IQCK: variants seen among roughly 807,000 people sequenced by gnomAD.
The protein encoded by IQCK is IQ motif containing K, also known as IQ domain-containing protein K.
A neutral mutation model predicts 28.1 loss-of-function variants in IQCK; 29 were observed. The ratio of observed to expected loss-of-function variants is 1.03; its 90% CI spans 0.77 to 1.41. The LOEUF (loss-of-function observed/expected upper bound fraction) is 1.41. Among genes scored for constraint, IQCK ranks in the 40% most tolerant of loss-of-function variants. The pLI is 0.00. For synonymous variants in IQCK, 113 were observed against 115.1 expected (o/e 0.98, Z 0.12); for missense variants, 359 against 314.7 (o/e 1.14, Z -1.07).
chr16:19,736,241 T>G (rs1465911049), intron 4 of IQCK: 1 of 443,498 alleles, frequency 2.3e-6, no homozygotes, highest in Non-Finnish European at 4.5e-6. Flanking sequence ...AGAATCAGCT[T>G]CTCTGCAGGG....
At chr16:19,805,663 T>G (rs1350995913) in intron 7 of IQCK, among the ~76,000 whole-genome samples, 1 of 152,174 alleles carries the variant, frequency 6.6e-6, no homozygotes, top group Non-Finnish European at 1.5e-5. Flanking sequence ...CAGCTCACAA[T>G]ATACATTTAC....
In IQCK at chr16:19,776,207, G is replaced by A. The variant is rs141736479; in HGVS notation, c.605+12095G>A. Reference sequence around the variant, plus strand: ...ACAGGCATATTTCTAAGAAAGAACTGAGGCAGAGAGAAATTAAGTCTTTGC... The same window carrying A: ...ACAGGCATATTTCTAAGAAAGAACTAAGGCAGAGAGAAATTAAGTCTTTGC... On this transcript the variant is annotated intron_variant, in intron 6 of 7. Transcript: ENST00000564186. 4.7e-3 allele frequency among the ~76,000 whole-genome samples: 715 copies of A among 152,202 alleles called. 5 individuals are homozygous for A. The highest frequency in any genetic ancestry group is 0.017 in the African/African-American group (698 of 41,528).
chr16:19,845,430 G>A (rs533151760), intron 9 of IQCK, among the ~76,000 whole-genome samples: 20 of 152,236 alleles, frequency 1.3e-4, no homozygotes, highest in Admixed American at 7.9e-4. Flanking sequence ...TGAGAATGCA[G>A]TGATAAATAA....
At chr16:19,810,668 C>T (rs1294204975) in intron 7 of IQCK, among the ~76,000 whole-genome samples, 1 of 149,768 alleles carries the variant, frequency 6.7e-6, no homozygotes, top group Non-Finnish European at 1.5e-5. Context: ...AAGCTAGGCA[C>T]AGTGGTGGGC....
intron 9 of IQCK, among the ~76,000 whole-genome samples, chr16:19,843,416 CTT>C (rs1294185267): frequency 6.6e-6 from 1 of 152,216 alleles, no homozygotes; most frequent in African/African-American, 2.4e-5. Context: ...TACTCTGTCT[CTT>C]TATGGATTTG....
chr16:19,765,221 CAAA>C (rs756571642), intron 6 of IQCK, among the ~76,000 whole-genome samples: 5 of 62,950 alleles, frequency 7.9e-5, no homozygotes, highest in African/African-American at 1.1e-4. Context: ...GACTCCATCT[CAAA>C]AAAAAAAAAA....
Position 19,775,866 on chromosome 16 carries a change from C to CTTTTTTTTTTT in IQCK, c.605+11777_605+11787dup, listed in dbSNP as rs570530152. On this transcript the variant is annotated intron_variant, in intron 6 of 7. Transcript: ENST00000564186. ...CTAGCTGTTCTGTTCTGGGCACAGG[C>CTTTTTTTTTTT]TTTTTTTTTTTTTTTTTTTTTTTTT... Among the ~76,000 whole-genome samples, 7 of 37,724 alleles carry CTTTTTTTTTTT rather than the reference C, an allele frequency of 1.9e-4. 1 individual carries two copies. Among genetic ancestry groups the CTTTTTTTTTTT allele is most frequent in the Non-Finnish European group, 2.7e-4 (6 of 22,634 alleles). The allele number at this position is 37,724 out of a possible 152,430, so 24.7% of individuals were successfully genotyped here.
exon 10 of IQCK, chr16:19,856,903 C>T (rs1039682645): frequency 4.0e-5 from 8 of 200,802 alleles, no homozygotes; most frequent in African/African-American, 1.2e-4. Flanking sequence ...CACTTGTGGC[C>T]GCCTTTGCAA....
intron 4 of IQCK, chr16:19,736,079 A>G (rs60295245): frequency 0.024 from 11,105 of 454,404 alleles, 878 homozygotes; most frequent in African/African-American, 0.19. Context: ...AAAAAATCCC[A>G]CAGAACTCTG....
At position 19,833,652 on chromosome 16, in the gene IQCK, C is replaced by T. The variant is rs2056260240; in HGVS notation, c.802+6515C>T. ...CCTTCTAGAGGGAAAACATGAAAGC[C>T]CAGAGTAGAGGGTGGAGACCAGAGA... On this transcript the variant is annotated intron_variant, in intron 9 of 9. Transcript: ENST00000320394. Among the ~76,000 whole-genome samples, 4 of 152,058 alleles carry T rather than the reference C, an allele frequency of 2.6e-5. No individual in the cohort carries two copies. The South Asian group carries it at 8.3e-4, about 32-fold the overall frequency.
At chr16:19,851,510 G>C (rs2056481461) in intron 9 of IQCK, among the ~76,000 whole-genome samples, 1 of 152,090 alleles carries the variant, frequency 6.6e-6, no homozygotes, top group Non-Finnish European at 1.5e-5. Flanking sequence ...GTTTTTCTCT[G>C]GGCTGTGAAT....
intron 4 of IQCK, among the ~76,000 whole-genome samples, chr16:19,758,077 C>T (rs1043608579): frequency 7.2e-5 from 11 of 152,302 alleles, no homozygotes; most frequent in African/African-American, 2.4e-4. Context: ...CAAACATAAG[C>T]ATTTTCACCC....
At chr16:19,748,637 C>T (rs1004809433) in intron 4 of IQCK, among the ~76,000 whole-genome samples, 1 of 152,090 alleles carries the variant, frequency 6.6e-6, no homozygotes, top group African/African-American at 2.4e-5. Context: ...TTCCCCATGG[C>T]CTCTTCTGGT....
chr16:19,723,113 C>G (rs1319423735), intron 1 of IQCK, among the ~76,000 whole-genome samples: 1 of 149,980 alleles, frequency 6.7e-6, no homozygotes, highest in Non-Finnish European at 1.5e-5. Context: ...CCCCCACTCC[C>G]CACCCCCACC....
chr16:19,778,557 C>A (rs1239851551), intron 6 of IQCK, among the ~76,000 whole-genome samples: 1 of 151,592 alleles, frequency 6.6e-6, no homozygotes, highest in Non-Finnish European at 1.5e-5. Context: ...CTCCAGAGGC[C>A]GAGGGGAGAG....
intron 7 of IQCK, among the ~76,000 whole-genome samples, chr16:19,817,023 G>A (rs1215128960): frequency 2.0e-5 from 3 of 152,052 alleles, no homozygotes; most frequent in Non-Finnish European, 2.9e-5. Context: ...TCGGATCCAG[G>A]GTTGGCTTTT....
chr16:19,807,171 C>G (rs1206709212), intron 7 of IQCK, among the ~76,000 whole-genome samples: 2 of 152,206 alleles, frequency 1.3e-5, no homozygotes, highest in Non-Finnish European at 2.9e-5. Context: ...AAACTGAGGC[C>G]TCTAGCCAAC....
At chr16:19,757,108 G>A (rs141515549) in intron 4 of IQCK, among the ~76,000 whole-genome samples, 51 of 152,272 alleles carry the variant, frequency 3.3e-4, no homozygotes, top group African/African-American at 1.2e-3. Flanking sequence ...ACTAAGACAT[G>A]AAGTAAATTG....
At chr16:19,827,231 T>A, downstream of IQCK, 1 of 835,926 alleles carries the variant, frequency 1.2e-6, no homozygotes, top group Non-Finnish European at 2.0e-6. Flanking sequence ...TTTTGTAAGG[T>A]CCTTGTCTGC....
Sources: allele counts gnomAD v4.1 joint callset (sites outside exome capture counted in the v4.1 genomes callset), GRCh38; gene constraint gnomAD v4.1.1; transcripts MANE v1.5; gene names NCBI Gene and HGNC (gene_info 2026-07-23, HGNC 2026-07-21).